Variants in PDCL2 observed in about 807,000 individuals in gnomAD.
The protein encoded by PDCL2 is phosducin-like protein 2.
Under a neutral mutation model 30.3 loss-of-function variants are expected in PDCL2, and 23 were observed. The observed-to-expected ratio is 0.76, with a 90% confidence interval of 0.55 to 1.08. The LOEUF is 1.08. PDCL2 is among the 50% of genes least tolerant of loss of function. PDCL2 has a pLI of 0.00. For missense variants in PDCL2, 243 were observed against 282.3 expected (o/e 0.86, Z 1.00); for synonymous variants, 68 against 86.2 (o/e 0.79, Z 1.17).
chr4:55,569,646 A>G, intron 4 of PDCL2, 72 bp downstream of exon 4: 1 of 1,233,336 alleles, frequency 8.1e-7, no homozygotes, highest in Non-Finnish European at 1.1e-6. Context: ...TATACTTTGT[A>G]AAACCTTAAA....
At chr4:55,590,222 G>T (rs1482195047) in intron 1 of PDCL2, among the ~76,000 whole-genome samples, 1 of 68,800 alleles carries the variant, frequency 1.5e-5, no homozygotes, top group East Asian at 5.4e-4. Context: ...AAAAAAAAAA[G>T]AGTAAGGTTT....
chr4:55,562,761 T>G, intron 4 of PDCL2, 149 bp from the exon 5 acceptor site: 1 of 544,700 alleles, frequency 1.8e-6, no homozygotes, highest in Non-Finnish European at 3.1e-6. Flanking sequence ...CCTTTAGCAA[T>G]GAAGAACTGT....
intron 4 of PDCL2, among the ~76,000 whole-genome samples, chr4:55,563,478 C>A (rs1020542743): frequency 2.6e-5 from 4 of 152,134 alleles, no homozygotes; most frequent in African/African-American, 4.8e-5. Context: ...GTCAGGAGTT[C>A]GAGACCAGCC....
At chr4:55,585,866 A>G (rs1428712467) in intron 1 of PDCL2, among the ~76,000 whole-genome samples, 4 of 152,066 alleles carry the variant, frequency 2.6e-5, no homozygotes, top group Non-Finnish European at 1.5e-5. Context: ...AATGCTTTGT[A>G]TTTCTGTGGT....
Position 55,582,138 on chromosome 4 carries a change from G to C in PDCL2, c.106C>G (p.Arg36Gly), listed in dbSNP as rs775165131. The C allele has an allele frequency of 6.2e-7, 1 of 1,612,816 alleles. No individual in the cohort carries two copies. Residue 36 changes from arginine to glycine, a missense_variant, in exon 2 of 6, where the codon CGT (arginine) becomes GGT (glycine). Arg to Gly is a moderately radical substitution (Grantham distance 125). Transcript: ENST00000295645. ...ATACCCATTGCTTCTTTCTGTAAAC[G>C]TAAAACCATTTCTTCAATTTCATCT... ...SKDEIEEMVL[R>G]LQKEAMVKPF... is the part of the protein sequence containing the mutation.
chr4:55,590,783 C>T (rs1732979965), intron 1 of PDCL2, among the ~76,000 whole-genome samples: 1 of 152,172 alleles, frequency 6.6e-6, no homozygotes, highest in African/African-American at 2.4e-5. Context: ...GCATGAGCCA[C>T]TGCCCTCGGC....
chr4:55,588,977 C>T (rs1732932107), intron 1 of PDCL2, among the ~76,000 whole-genome samples: 1 of 151,938 alleles, frequency 6.6e-6, no homozygotes, highest in South Asian at 2.1e-4. Context: ...CTTGCCTCAG[C>T]CTCCCAAGTA....
intron 5 of PDCL2, among the ~76,000 whole-genome samples, chr4:55,560,860 G>A (rs1257245425): frequency 2.6e-5 from 4 of 152,136 alleles, no homozygotes; most frequent in African/African-American, 9.7e-5. Flanking sequence ...TAAGGTCAAT[G>A]AAGAGGTCAC....
chr4:55,582,703 C>T (rs1422660016), intron 1 of PDCL2, among the ~76,000 whole-genome samples: 1 of 151,664 alleles, frequency 6.6e-6, no homozygotes, highest in Non-Finnish European at 1.5e-5. Context: ...GTGTGCTGCA[C>T]CCATTAACTC....
intron 1 of PDCL2, among the ~76,000 whole-genome samples, chr4:55,584,407 C>G (rs868403914): frequency 6.6e-6 from 1 of 152,092 alleles, no homozygotes; most frequent in South Asian, 2.1e-4. Flanking sequence ...CAGGTGCCTA[C>G]CACCTCGCCC....
chr4:55,579,988 C>CAG (rs1157996051), intron 3 of PDCL2, among the ~76,000 whole-genome samples: 1 of 152,098 alleles, frequency 6.6e-6, no homozygotes, highest in Non-Finnish European at 1.5e-5. Context: ...GCTGGGATTA[C>CAG]AGGCAAGCAC....
At chr4:55,589,976 C>A (rs954456248) in intron 1 of PDCL2, among the ~76,000 whole-genome samples, 5 of 151,880 alleles carry the variant, frequency 3.3e-5, no homozygotes, top group African/African-American at 4.8e-5. Flanking sequence ...GCAGGCAGAT[C>A]TTTTGAGGTC....
At chr4:55,562,218 T>C (rs1392254332) in intron 5 of PDCL2, among the ~76,000 whole-genome samples, 186 bp downstream of exon 5, 2 of 152,156 alleles carry the variant, frequency 1.3e-5, no homozygotes, top group East Asian at 3.9e-4. Context: ...GACAGGGAAC[T>C]ATTAAGGATT....
intron 4 of PDCL2, among the ~76,000 whole-genome samples, chr4:55,566,099 C>T (rs541848350): frequency 1.3e-5 from 2 of 149,672 alleles, no homozygotes; most frequent in Non-Finnish European, 3.0e-5. Context: ...CCTGCCTCAG[C>T]CTCCCAAGTA....
chr4:55,585,249 T>C (rs1282702376), intron 1 of PDCL2, among the ~76,000 whole-genome samples: 1 of 152,056 alleles, frequency 6.6e-6, no homozygotes, highest in Non-Finnish European at 1.5e-5. Flanking sequence ...GATTTAGGGC[T>C]GGGTGCAGTG....
intron 5 of PDCL2, among the ~76,000 whole-genome samples, chr4:55,562,074 G>A (rs1241789290): frequency 6.6e-6 from 1 of 152,198 alleles, no homozygotes; most frequent in African/African-American, 2.4e-5. Context: ...TGGCACAAAT[G>A]AGTAATGTCT....
chr4:55,589,859 G>A (rs1266404452), intron 1 of PDCL2, among the ~76,000 whole-genome samples: 2 of 152,048 alleles, frequency 1.3e-5, no homozygotes, highest in Non-Finnish European at 2.9e-5. Flanking sequence ...TATGTGGGAG[G>A]CAAGTTATGG....
chr4:55,591,977 A>G (rs1733014823), intron 1 of PDCL2, 127 bp downstream of exon 1: 1 of 1,326,092 alleles, frequency 7.5e-7, no homozygotes, highest in Non-Finnish European at 1.0e-6. Flanking sequence ...AAAATTTAGC[A>G]CTTTCCAAGA....
Position 55,584,787 on chromosome 4 carries a change from A to T in PDCL2, c.7-2550T>A, listed in dbSNP as rs539232747. 3.3e-5 allele frequency among the ~76,000 whole-genome samples: 5 copies of T among 152,290 alleles called. No homozygotes were observed. In the South Asian group the frequency reaches 1.0e-3, roughly 32 times the overall value. The stretch of plus-strand genomic sequence containing the variant: ...CTCTGGTACTATATTGAATAGAAGT[A>T]GTGAGAATGGGCATCCTTGTCTACG... On this transcript the variant is annotated intron_variant, in intron 1 of 5. Transcript: ENST00000295645.
Sources: allele counts gnomAD v4.1 joint callset (sites outside exome capture counted in the v4.1 genomes callset), GRCh38; gene constraint gnomAD v4.1.1; transcripts MANE v1.5; gene names NCBI Gene and HGNC (gene_info 2026-07-23, HGNC 2026-07-21).